Variants in CPA6 observed in about 807,000 individuals in gnomAD.
CPA6 encodes the protein carboxypeptidase A6.
A neutral mutation model predicts 63.3 loss-of-function variants in CPA6; 58 were observed. The ratio of observed to expected loss-of-function variants is 0.92; its 90% CI spans 0.74 to 1.14. The LOEUF (loss-of-function observed/expected upper bound fraction) is 1.14. Ranked by LOEUF, CPA6 falls within the 50% of genes most tolerant of loss-of-function variation. CPA6 has a pLI of 0.00. For synonymous variants in CPA6, 185 were observed against 179.0 expected (o/e 1.03, Z -0.27); for missense variants, 565 against 526.6 (o/e 1.07, Z -0.71).
At chr8:67,673,550 ATTT>A (rs776373374) in intron 1 of CPA6, among the ~76,000 whole-genome samples, 1 of 138,540 alleles carries the variant, frequency 7.2e-6, no homozygotes, top group Non-Finnish European at 1.6e-5. Flanking sequence ...CTCACGGCTA[ATTT>A]TTTTTTTTTT....
At chr8:67,456,359 T>C (rs1810677380) in intron 8 of CPA6, among the ~76,000 whole-genome samples, 1 of 152,050 alleles carries the variant, frequency 6.6e-6, no homozygotes, top group Non-Finnish European at 1.5e-5. Context: ...TGGCACCTGA[T>C]TGCCCAAACC....
At chr8:67,729,510 A>T (rs749356215) in intron 1 of CPA6, among the ~76,000 whole-genome samples, 1 of 152,214 alleles carries the variant, frequency 6.6e-6, no homozygotes, top group African/African-American at 2.4e-5. Context: ...TTGAAGAATA[A>T]GATGAAGTTC....
intron 8 of CPA6, among the ~76,000 whole-genome samples, chr8:67,459,070 C>T (rs1442729773): frequency 1.3e-5 from 2 of 152,124 alleles, no homozygotes; most frequent in African/African-American, 2.4e-5. Context: ...GAAAACATAC[C>T]CACACAAGCA....
At chr8:67,461,013 G>A (rs917901825) in intron 8 of CPA6, among the ~76,000 whole-genome samples, 16 of 150,958 alleles carry the variant, frequency 1.1e-4, no homozygotes, top group Non-Finnish European at 2.1e-4. Flanking sequence ...GAGCGGAGGC[G>A]TGAGGAATGG....
intron 1 of CPA6, among the ~76,000 whole-genome samples, chr8:67,632,711 TAAA>T (rs1160629118): frequency 6.6e-6 from 1 of 152,188 alleles, no homozygotes; most frequent in Non-Finnish European, 1.5e-5. Context: ...TGAAGAATGT[TAAA>T]AAATATATGA....
chr8:67,704,003 T>A (rs1817080910), intron 1 of CPA6, among the ~76,000 whole-genome samples: 1 of 152,196 alleles, frequency 6.6e-6, no homozygotes, highest in Admixed American at 6.5e-5. Context: ...ATTCTTTCCT[T>A]GCCATTTGCT....
intron 8 of CPA6, among the ~76,000 whole-genome samples, chr8:67,448,733 T>A (rs895829928): frequency 2.0e-5 from 3 of 151,106 alleles, no homozygotes; most frequent in Non-Finnish European, 2.9e-5. Flanking sequence ...AAGTTTTCCC[T>A]ATCCTTAAAG....
chr8:67,591,838 A>G (rs1196800652), intron 2 of CPA6, among the ~76,000 whole-genome samples: 1 of 152,164 alleles, frequency 6.6e-6, no homozygotes, highest in Non-Finnish European at 1.5e-5. Context: ...GCAAACAGGG[A>G]CAATTTGACT....
chr8:67,698,604 T>C (rs1816956776), intron 1 of CPA6, among the ~76,000 whole-genome samples: 1 of 152,226 alleles, frequency 6.6e-6, no homozygotes, highest in African/African-American at 2.4e-5. Context: ...TATAAGTCGA[T>C]ATGTCTTCCG....
chr8:67,641,272 T>C (rs901202024), intron 1 of CPA6, among the ~76,000 whole-genome samples: 2 of 151,788 alleles, frequency 1.3e-5, no homozygotes, highest in Non-Finnish European at 2.9e-5. Context: ...TTGGATTTGG[T>C]TGGGCTGGCC....
intron 8 of CPA6, among the ~76,000 whole-genome samples, chr8:67,480,088 T>A (rs1587474942): frequency 6.6e-6 from 1 of 152,192 alleles, no homozygotes; most frequent in Non-Finnish European, 1.5e-5. Flanking sequence ...TTATATCTAA[T>A]TTATAATATT....
chr8:67,583,192 T>A (rs1434363829), intron 2 of CPA6, among the ~76,000 whole-genome samples: 4 of 152,126 alleles, frequency 2.6e-5, no homozygotes, highest in African/African-American at 7.2e-5. Flanking sequence ...ATTCTGTGGG[T>A]GCAGCTGCCT....
At position 67,667,004 on chromosome 8, in the gene CPA6, G is replaced by T. The variant is rs145249695; in HGVS notation, c.117-42753C>A. On this transcript the variant is annotated intron_variant, in intron 1 of 10. Coordinates refer to ENST00000297770, the MANE Select transcript of CPA6 (RefSeq NM_020361.5). The stretch of plus-strand genomic sequence containing the variant: ...CCTTTAGGACTCCTTAAATCATATA[G>T]GCATGTGGTTATTACTGTCTGCAGT... 6.6e-4 allele frequency among the ~76,000 whole-genome samples: 100 copies of T among 152,198 alleles called. 1 individual carries two copies. Among genetic ancestry groups the T allele is most frequent in the African/African-American group, 2.4e-3 (98 of 41,520 alleles).
Position 67,618,871 on chromosome 8 carries a change from T to C in CPA6, c.192+5305A>G, listed in dbSNP as rs2128986212. Among the ~76,000 whole-genome samples, 2 of 152,320 alleles carry C rather than the reference T, an allele frequency of 1.3e-5. 1 individual carries two copies. Among genetic ancestry groups the C allele is most frequent in the East Asian group, 3.9e-4 (2 of 5,180 alleles). On this transcript the variant is annotated intron_variant, in intron 2 of 10. Coordinates refer to ENST00000297770, the MANE Select transcript of CPA6 (RefSeq NM_020361.5). Reference sequence around the variant, plus strand: ...TTACTTACCTGCAGACTGTTCCCATTCCATCATAACTTTATTTAAATCATG... The same window carrying C: ...TTACTTACCTGCAGACTGTTCCCATCCCATCATAACTTTATTTAAATCATG...
At chr8:67,610,191 A>G (rs1049330117) in intron 2 of CPA6, among the ~76,000 whole-genome samples, 4 of 152,140 alleles carry the variant, frequency 2.6e-5, no homozygotes. Flanking sequence ...CCTGGGCAAC[A>G]TGGAAAGACT....
chr8:67,645,473 A>G (rs1286809009), intron 1 of CPA6, among the ~76,000 whole-genome samples: 1 of 152,194 alleles, frequency 6.6e-6, no homozygotes, highest in Non-Finnish European at 1.5e-5. Flanking sequence ...CTAGAATTCA[A>G]TTTAAGAAGG....
rs201960034 is a variant in CPA6 at position 67,624,157 on chromosome 8, T to C, written c.192+19A>G. 73 of 1,386,596 alleles carry C rather than the reference T, an allele frequency of 5.3e-5. No homozygotes were observed. In the African/African-American group the frequency reaches 1.0e-3, roughly 19 times the overall value. 85.9% of individuals were successfully genotyped at this position (1,386,596 alleles called of 1,614,324 possible). On this transcript the variant is annotated intron_variant, in intron 2 of 10. Coordinates refer to ENST00000297770, the MANE Select transcript of CPA6 (RefSeq NM_020361.5). Reference sequence around the variant, plus strand: ...TCCACAAGCACAATTCTACCATAAGTGTGTAGATGTTCTATTACCTTAAGT... The same window carrying C: ...TCCACAAGCACAATTCTACCATAAGCGTGTAGATGTTCTATTACCTTAAGT...
At chr8:67,642,147 A>C (rs1815605876) in intron 1 of CPA6, among the ~76,000 whole-genome samples, 1 of 152,146 alleles carries the variant, frequency 6.6e-6, no homozygotes, top group African/African-American at 2.4e-5. Context: ...GTGAAACACC[A>C]ACTGTACTAA....
chr8:67,576,182 A>T (rs1302917129), intron 2 of CPA6, among the ~76,000 whole-genome samples: 1 of 152,188 alleles, frequency 6.6e-6, no homozygotes, highest in Admixed American at 6.5e-5. Context: ...AATAAATGTC[A>T]AATGTTCTCA....
Sources: allele counts gnomAD v4.1 joint callset (sites outside exome capture counted in the v4.1 genomes callset), GRCh38; gene constraint gnomAD v4.1.1; transcripts MANE v1.5; gene names NCBI Gene and HGNC (gene_info 2026-07-23, HGNC 2026-07-21).